SNTG1: variants seen among roughly 807,000 people sequenced by gnomAD.
SNTG1 encodes the protein syntrophin gamma 1.
SNTG1 carries 39 observed loss-of-function variants against 74.7 expected under a neutral mutation model. The ratio of observed to expected loss-of-function variants is 0.52; its 90% CI spans 0.40 to 0.68. SNTG1 has a LOEUF of 0.68. Ranked by LOEUF, SNTG1 falls within the 30% of genes least tolerant of loss-of-function variation. The pLI is 0.00. For missense variants in SNTG1, 685 were observed against 609.5 expected, an observed-to-expected ratio of 1.12 and a Z score of -1.30; for synonymous variants, 254 against 217.1, an observed-to-expected ratio of 1.17 and a Z score of -1.49.
intron 4 of SNTG1, among the ~76,000 whole-genome samples, chr8:50,425,858 C>T (rs2093157351): frequency 6.6e-6 from 1 of 152,112 alleles, no homozygotes; most frequent in Non-Finnish European, 1.5e-5. Context: ...CTGAAATAAG[C>T]TTGCAGTGAA....
At chr8:50,554,943 T>A (rs950027460) in intron 12 of SNTG1, among the ~76,000 whole-genome samples, 2 of 152,128 alleles carry the variant, frequency 1.3e-5, no homozygotes, top group Admixed American at 6.5e-5. Flanking sequence ...TAGATCCAAA[T>A]TTGCATTGAC....
intron 2 of SNTG1, among the ~76,000 whole-genome samples, chr8:50,322,037 C>T (rs2130818047): frequency 6.6e-6 from 1 of 152,120 alleles, no homozygotes; most frequent in Admixed American, 6.5e-5. Flanking sequence ...GAGTTTTGTG[C>T]TTTCAGATTC....
rs542576699 is a variant in SNTG1, at chr8:50,150,961, A to T, written c.-102-21600A>T. On this transcript the variant is annotated intron_variant, in intron 1 of 18. Coordinates refer to ENST00000642720, the MANE Select transcript of SNTG1 (RefSeq NM_018967.5). ...GGGAGGATTCCCTCTTTTTCTATTGATTGGGATAGTTTCAGAAGGAATGGT... is the reference window on the plus strand; with the variant it reads ...GGGAGGATTCCCTCTTTTTCTATTGTTTGGGATAGTTTCAGAAGGAATGGT... 7.8e-4 allele frequency among the ~76,000 whole-genome samples: 119 copies of T among 152,180 alleles called. 1 individual carries two copies. In the South Asian group the frequency reaches 8.9e-3, roughly 11 times the overall value.
intron 15 of SNTG1, among the ~76,000 whole-genome samples, chr8:50,692,475 AC>A (rs1272024090): frequency 2.6e-5 from 4 of 151,924 alleles, no homozygotes; most frequent in Non-Finnish European, 5.9e-5. Context: ...AGCAGACAGG[AC>A]CCTTAGCTGC....
chr8:49,922,501 A>G (rs1806641079), intron 1 of SNTG1, among the ~76,000 whole-genome samples: 2 of 152,056 alleles, frequency 1.3e-5, no homozygotes, highest in South Asian at 2.1e-4. Flanking sequence ...ACATTGAGTC[A>G]CAGTGAAGTA....
intron 4 of SNTG1, among the ~76,000 whole-genome samples, chr8:50,431,904 T>C (rs572059088): frequency 6.6e-6 from 1 of 152,338 alleles, no homozygotes; most frequent in Admixed American, 6.5e-5. Context: ...TGTTATGAGT[T>C]ATTTGTATAT....
At chr8:50,208,552 C>T (rs559415165) in intron 2 of SNTG1, among the ~76,000 whole-genome samples, 20 of 152,106 alleles carry the variant, frequency 1.3e-4, no homozygotes, top group Non-Finnish European at 2.8e-4. Flanking sequence ...AGCAACTATC[C>T]CATTTACATT....
chr8:50,336,062 G>A (rs2091132610), intron 2 of SNTG1, among the ~76,000 whole-genome samples: 1 of 152,068 alleles, frequency 6.6e-6, no homozygotes, highest in Admixed American at 6.5e-5. Context: ...CAGGAAGGGT[G>A]AGATGAATTA....
At chr8:50,044,718 T>A (rs1818933761) in intron 1 of SNTG1, among the ~76,000 whole-genome samples, 1 of 152,216 alleles carries the variant, frequency 6.6e-6, no homozygotes, top group Non-Finnish European at 1.5e-5. Context: ...AAATAACATC[T>A]ATAAACTGCT....
At chr8:50,636,140 A>G (rs1027494060) in intron 13 of SNTG1, among the ~76,000 whole-genome samples, 16 of 151,090 alleles carry the variant, frequency 1.1e-4, no homozygotes, top group Non-Finnish European at 2.2e-4. Flanking sequence ...ACTATGACTG[A>G]GCTGGTATCC....
intron 8 of SNTG1, among the ~76,000 whole-genome samples, chr8:50,467,328 G>A (rs562951881): frequency 1.3e-5 from 2 of 151,678 alleles, no homozygotes; most frequent in South Asian, 2.1e-4. Context: ...TTATTTATTC[G>A]TTAAATATCT....
At chr8:50,660,543 GA>G (rs368115677) in intron 15 of SNTG1, among the ~76,000 whole-genome samples, 6,835 of 76,090 alleles carry the variant, frequency 0.09, 210 homozygotes, top group Middle Eastern at 0.18. Flanking sequence ...AGGAAGGAAA[GA>G]AAACTGCCTC....
intron 1 of SNTG1, among the ~76,000 whole-genome samples, chr8:49,957,191 G>A (rs1262506325): frequency 6.6e-6 from 1 of 152,076 alleles, no homozygotes; most frequent in Non-Finnish European, 1.5e-5. Flanking sequence ...GTTCATGTGG[G>A]GATCCTGAAG....
intron 2 of SNTG1, among the ~76,000 whole-genome samples, chr8:50,271,334 A>G (rs1050930869): frequency 3.9e-5 from 6 of 152,174 alleles, no homozygotes; most frequent in South Asian, 2.1e-4. Flanking sequence ...CATATTTCTC[A>G]TGTTTATCTA....
intron 1 of SNTG1, among the ~76,000 whole-genome samples, chr8:50,038,777 A>T (rs1818372977): frequency 6.6e-6 from 1 of 152,228 alleles, no homozygotes. Flanking sequence ...GACAGTGCTG[A>T]TCGCACATTT....
intron 2 of SNTG1, among the ~76,000 whole-genome samples, chr8:50,202,134 T>C (rs1236804078): frequency 2.6e-5 from 4 of 152,170 alleles, no homozygotes; most frequent in African/African-American, 9.7e-5. Flanking sequence ...TTCATATATT[T>C]GTAATACAGT....
chr8:50,759,001 A>G (rs2095589425), intron 18 of SNTG1, among the ~76,000 whole-genome samples: 1 of 152,138 alleles, frequency 6.6e-6, no homozygotes, highest in South Asian at 2.1e-4. Context: ...AATGATCACC[A>G]TTCTAACTGA....
intron 1 of SNTG1, among the ~76,000 whole-genome samples, chr8:50,093,700 A>G (rs2079826987): frequency 1.3e-5 from 2 of 152,170 alleles, no homozygotes; most frequent in African/African-American, 2.4e-5. Context: ...GTTATAAAGT[A>G]TAGGGGCAGT....
At chr8:50,305,894 A>T (rs4347005) in intron 2 of SNTG1, among the ~76,000 whole-genome samples, 143,535 of 151,512 alleles carry the variant, frequency 0.95, 68,491 homozygotes, top group East Asian at 1. Flanking sequence ...ATCCTGTGTT[A>T]TATTTATTTA....
Sources: gnomAD v4.1 joint callset for allele counts (sites outside exome capture counted in the v4.1 genomes callset) on GRCh38, gnomAD v4.1.1 for gene constraint, MANE v1.5 for transcripts, NCBI Gene and HGNC (gene_info 2026-07-23, HGNC 2026-07-21) for gene names.